The following VMP1 variants were observed in gnomAD, a reference collection of about 807,000 sequenced individuals.
VMP1 encodes ectopic P-granules autophagy protein 3 homolog.
A neutral mutation model predicts 56.0 loss-of-function variants in VMP1; 11 were observed. That is an observed-to-expected ratio of 0.20 (90% CI 0.12 to 0.32). The LOEUF is 0.32. Ranked by LOEUF, VMP1 falls within the 10% of genes least tolerant of loss-of-function variation. VMP1 has a pLI of 1.00. For synonymous variants in VMP1, 149 were observed against 165.0 expected (o/e 0.90, Z 0.74); for missense variants, 296 against 490.3 (o/e 0.60, Z 3.74).
chr17:59,792,199 C>T (rs2037256275), intron 7 of VMP1, among the ~76,000 whole-genome samples: 1 of 152,100 alleles, frequency 6.6e-6, no homozygotes, highest in Non-Finnish European at 1.5e-5. Flanking sequence ...ATTGCTTGAG[C>T]CCGAGAGGTC....
chr17:59,791,675 G>T (rs1306573276), intron 7 of VMP1, among the ~76,000 whole-genome samples: 2 of 151,824 alleles, frequency 1.3e-5, no homozygotes, highest in Non-Finnish European at 2.9e-5. Flanking sequence ...TGTTGGCCAG[G>T]CTGGTCTTGA....
chr17:59,726,302 T>C (rs2034600945), intron 1 of VMP1, among the ~76,000 whole-genome samples: 1 of 151,484 alleles, frequency 6.6e-6, no homozygotes, highest in African/African-American at 2.4e-5. Flanking sequence ...TTTTTTTTTT[T>C]GTTTTTTTTG....
In VMP1 at chr17:59,789,001, C is replaced by T. The variant is rs78901069; in HGVS notation, c.714+15116C>T. Among the ~76,000 whole-genome samples the T allele has an allele frequency of 2.6e-5, 4 of 151,130 alleles. No homozygotes were observed. In the East Asian group the frequency reaches 7.8e-4, roughly 30 times the overall value. On this transcript the variant is annotated intron_variant, in intron 7 of 11. Coordinates refer to ENST00000262291, the MANE Select transcript of VMP1 (RefSeq NM_030938.5). ...TTTTATAAAATGCCTTTAGAAAGGCCCCTTTTGGGCCGGGCGCCATGGCTC... is the reference window on the plus strand; with the variant it reads ...TTTTATAAAATGCCTTTAGAAAGGCTCCTTTTGGGCCGGGCGCCATGGCTC...
intron 9 of VMP1, among the ~76,000 whole-genome samples, chr17:59,813,799 T>C (rs1194988918): frequency 6.6e-6 from 1 of 152,196 alleles, no homozygotes; most frequent in Non-Finnish European, 1.5e-5. Flanking sequence ...ATAAGTTTTA[T>C]GTGTCCTGCT....
intron 10 of VMP1, among the ~76,000 whole-genome samples, chr17:59,822,318 A>G (rs972206787): frequency 6.9e-6 from 1 of 144,516 alleles, no homozygotes; most frequent in African/African-American, 2.5e-5. Context: ...GTTTTGAAGT[A>G]GGAAATACTT....
At chr17:59,810,507 T>C (rs1255085071) in intron 8 of VMP1, among the ~76,000 whole-genome samples, 2 of 152,128 alleles carry the variant, frequency 1.3e-5, no homozygotes, top group Non-Finnish European at 2.9e-5. Context: ...GTTGGAACCT[T>C]ATGATAAAGG....
At chr17:59,712,845 T>C (rs8070132) in intron 1 of VMP1, among the ~76,000 whole-genome samples, 124,865 of 152,054 alleles carry the variant, frequency 0.82, 51,556 homozygotes, top group East Asian at 0.96. Flanking sequence ...TTCATTGTTG[T>C]TCATGTGTGA....
intron 7 of VMP1, among the ~76,000 whole-genome samples, chr17:59,796,310 A>G (rs1298073470): frequency 2.0e-5 from 3 of 152,202 alleles, no homozygotes; most frequent in African/African-American, 7.2e-5. Context: ...TCCCACTAGA[A>G]TATAAACTCC....
chr17:59,827,542 C>A (rs1477279975), intron 10 of VMP1, among the ~76,000 whole-genome samples: 1 of 151,904 alleles, frequency 6.6e-6, no homozygotes, highest in Admixed American at 6.6e-5. Context: ...GTCTCAAACT[C>A]CTGACCTCAG....
Position 59,771,016 on chromosome 17 carries a change from C to T in VMP1, c.583-2738C>T, listed in dbSNP as rs1301823296. 2.7e-5 allele frequency among the ~76,000 whole-genome samples: 4 copies of T among 149,616 alleles called. No individual in the cohort carries two copies. In the Admixed American group the frequency reaches 2.7e-4, roughly 10 times the overall value. The stretch of plus-strand genomic sequence containing the variant: ...TTTTTTTTTTTTGTAAATAGGAATA[C>T]ACTCCATAGCCTTGTGTATTTCTAT... On this transcript the variant is annotated intron_variant, in intron 6 of 11. Transcript: ENST00000262291.
At chr17:59,763,045 GGGACAGCAT>G (rs1275230182) in intron 5 of VMP1, among the ~76,000 whole-genome samples, 7 of 152,056 alleles carry the variant, frequency 4.6e-5, no homozygotes, top group Non-Finnish European at 1.0e-4. Context: ...CAGTAACATG[GGGACAGCAT>G]GGACAAACTC....
chr17:59,799,482 G>C (rs1314369647), intron 7 of VMP1, among the ~76,000 whole-genome samples: 1 of 152,012 alleles, frequency 6.6e-6, no homozygotes, highest in Admixed American at 6.6e-5. Flanking sequence ...TTTGCATTTT[G>C]TTATCCAACA....
chr17:59,720,179 A>G (rs1286337811), intron 1 of VMP1, among the ~76,000 whole-genome samples: 31 of 152,246 alleles, frequency 2.0e-4, no homozygotes, highest in Admixed American at 1.0e-3. Flanking sequence ...ATTTACTCCT[A>G]CATCTAGGAA....
At chr17:59,794,417 A>G (rs912754917) in intron 7 of VMP1, among the ~76,000 whole-genome samples, 1 of 144,042 alleles carries the variant, frequency 6.9e-6, no homozygotes, top group African/African-American at 2.6e-5. Context: ...ACGGGGTTTC[A>G]CCATGTTGGT....
intron 11 of VMP1, chr17:59,839,532 C>G: frequency 2.0e-6 from 1 of 490,706 alleles, no homozygotes; most frequent in Non-Finnish European, 3.5e-6. Context: ...TCACACTCAT[C>G]CCATTCTAAA....
chr17:59,729,099 A>G (rs1437220368), intron 1 of VMP1, among the ~76,000 whole-genome samples: 1 of 152,172 alleles, frequency 6.6e-6, no homozygotes, highest in Non-Finnish European at 1.5e-5. Context: ...AGTAGTATGT[A>G]TTACTACTTT....
rs564797253 is a variant in VMP1, at chr17:59,840,484, G to A, written c.*573G>A. On this transcript the variant is annotated 3_prime_UTR_variant, in exon 12 of 12. Transcript: ENST00000262291. ...ATCTTTAAATTTTGAGACAGTATAA[G>A]GAAAATCTGGTTGGTGTCTTACAAG... The A allele has an allele frequency of 6.5e-6, 1 of 152,778 alleles. No individual in the cohort carries two copies. Among genetic ancestry groups the A allele is most frequent in the East Asian group, 1.9e-4 (1 of 5,176 alleles). 9.5% of individuals were successfully genotyped at this position (152,778 alleles called of 1,614,324 possible). A position where few individuals can be genotyped will look rare whatever the true frequency, so the allele number is the denominator to read the frequency against.
At chr17:59,810,149 T>A (rs1212816020) in intron 8 of VMP1, among the ~76,000 whole-genome samples, 1 of 151,996 alleles carries the variant, frequency 6.6e-6, no homozygotes. Flanking sequence ...AAATCCTTTT[T>A]TTGTGTTTGT....
chr17:59,799,702 C>T (rs1201155002), intron 7 of VMP1, among the ~76,000 whole-genome samples: 1 of 152,100 alleles, frequency 6.6e-6, no homozygotes, highest in Non-Finnish European at 1.5e-5. Flanking sequence ...GTGGCTCACG[C>T]CTGAAATCCC....
Sources: gnomAD v4.1 joint callset for allele counts (sites outside exome capture counted in the v4.1 genomes callset) on GRCh38, gnomAD v4.1.1 for gene constraint, MANE v1.5 for transcripts, NCBI Gene and HGNC (gene_info 2026-07-23, HGNC 2026-07-21) for gene names.